The following FNDC3B variants were observed in gnomAD, a reference collection of about 807,000 sequenced individuals.
FNDC3B encodes the protein fibronectin type III domain-containing protein 3B.
A neutral mutation model predicts 151.5 loss-of-function variants in FNDC3B; 12 were observed. That is an observed-to-expected ratio of 0.08 (90% CI 0.05 to 0.13). FNDC3B has a LOEUF of 0.13. Among genes scored for constraint, FNDC3B ranks in the 10% least tolerant of loss-of-function variants. FNDC3B has a pLI of 1.00. For missense variants in FNDC3B, 1,214 were observed against 1,505.3 expected (o/e 0.81, Z 3.20); for synonymous variants, 528 against 549.0 (o/e 0.96, Z 0.54).
intron 3 of FNDC3B, among the ~76,000 whole-genome samples, chr3:172,167,811 A>G (rs773055421): frequency 3.9e-5 from 6 of 152,142 alleles, no homozygotes; most frequent in Non-Finnish European, 8.8e-5. Context: ...CATGTGAAGG[A>G]TCTAGGTTGC....
At chr3:172,200,461 A>G (rs1284119500) in intron 3 of FNDC3B, among the ~76,000 whole-genome samples, 1 of 152,168 alleles carries the variant, frequency 6.6e-6, no homozygotes, top group Non-Finnish European at 1.5e-5. Flanking sequence ...TTTGGCAAAA[A>G]CCATATGAGT....
Position 172,143,396 on chromosome 3 carries a change from T to C in FNDC3B, c.187+9850T>C, listed in dbSNP as rs185753244. 4.6e-5 allele frequency among the ~76,000 whole-genome samples: 7 copies of C among 152,280 alleles called. No individual in the cohort carries two copies. The East Asian group carries it at 1.4e-3, about 29-fold the overall frequency. On this transcript the variant is annotated intron_variant, in intron 3 of 25. Transcript: ENST00000415807. ...TTAATAACTTTATTTTGGGGGAGAATAGGATGGGAATACCTTAGAAAATGT... is the reference window on the plus strand; with the variant it reads ...TTAATAACTTTATTTTGGGGGAGAACAGGATGGGAATACCTTAGAAAATGT...
At position 172,159,309 on chromosome 3, in the gene FNDC3B, G is replaced by A. The variant is rs1722655970; in HGVS notation, c.187+25763G>A. 5.3e-5 allele frequency among the ~76,000 whole-genome samples: 8 copies of A among 152,250 alleles called. No homozygotes were observed. In the South Asian group the frequency reaches 1.7e-3, roughly 32 times the overall value. On this transcript the variant is annotated intron_variant, in intron 3 of 25. Transcript: ENST00000415807. ...AAGAAAATTATTTGGGTATATTGGT[G>A]TGTGTCTGTTTCCAGGTCCTCTGTT... is the stretch of plus-strand genomic sequence containing the variant.
At chr3:172,351,027 A>G (rs948028189) in intron 21 of FNDC3B, among the ~76,000 whole-genome samples, 1 of 152,212 alleles carries the variant, frequency 6.6e-6, no homozygotes, top group African/African-American at 2.4e-5. Flanking sequence ...TTGAACACAT[A>G]CTCTGTATCA....
chr3:172,052,178 G>C (rs1716691331), intron 1 of FNDC3B, among the ~76,000 whole-genome samples: 1 of 150,864 alleles, frequency 6.6e-6, no homozygotes, highest in Admixed American at 6.6e-5. Flanking sequence ...TCCGCCTCCT[G>C]GGCTCAAGTG....
chr3:172,049,622 G>A lies in FNDC3B; in HGVS notation c.-29+9851G>A, dbSNP rs368506593. 1.0e-3 allele frequency among the ~76,000 whole-genome samples: 154 copies of A among 152,208 alleles called. 1 individual carries two copies. Among genetic ancestry groups the A allele is most frequent in the African/African-American group, 3.5e-3 (147 of 41,516 alleles). On this transcript the variant is annotated intron_variant, in intron 1 of 25. Transcript: ENST00000415807. ...GGCTCACCCTGACCTCTGCCTCCCA[G>A]GTTCAAGCGATTCTTCTGCCTCAGT...
intron 11 of FNDC3B, among the ~76,000 whole-genome samples, chr3:172,322,427 A>G (rs1732131529): frequency 6.6e-6 from 1 of 152,158 alleles, no homozygotes; most frequent in South Asian, 2.1e-4. Flanking sequence ...TTTTGGTTAC[A>G]AGAGAGTCAC....
chr3:172,072,871 G>A (rs1446393843), intron 1 of FNDC3B, among the ~76,000 whole-genome samples: 2 of 152,132 alleles, frequency 1.3e-5, no homozygotes, highest in African/African-American at 4.8e-5. Context: ...CCACATAAAC[G>A]GTGACACTGA....
chr3:172,279,042 T>C (rs1396208571), intron 6 of FNDC3B, among the ~76,000 whole-genome samples: 2 of 152,144 alleles, frequency 1.3e-5, no homozygotes, highest in East Asian at 1.9e-4. Context: ...CTGACAGAAA[T>C]GAGCATAGAA....
chr3:172,204,453 T>C (rs1725322124), intron 3 of FNDC3B, among the ~76,000 whole-genome samples: 1 of 152,174 alleles, frequency 6.6e-6, no homozygotes, highest in Non-Finnish European at 1.5e-5. Flanking sequence ...AGTTTCCAAC[T>C]CATGGTCCAT....
At chr3:172,192,385 C>T (rs1724566149) in intron 3 of FNDC3B, among the ~76,000 whole-genome samples, 1 of 151,806 alleles carries the variant, frequency 6.6e-6, no homozygotes, top group Non-Finnish European at 1.5e-5. Flanking sequence ...CAGGGTTTCA[C>T]CGTGTTAGCC....
chr3:172,265,791 C>T (rs959491795), intron 6 of FNDC3B, among the ~76,000 whole-genome samples: 1 of 152,140 alleles, frequency 6.6e-6, no homozygotes, highest in African/African-American at 2.4e-5. Flanking sequence ...CCTAGATTTA[C>T]GGACACTGTA....
chr3:172,329,395 T>C (rs1732521407), intron 12 of FNDC3B: 1 of 254,448 alleles, frequency 3.9e-6, no homozygotes, highest in African/African-American at 2.2e-5. Context: ...CTTTTTCTTT[T>C]ATCACTTTAG....
At chr3:172,166,826 G>A (rs1039847966) in intron 3 of FNDC3B, among the ~76,000 whole-genome samples, 86 of 136,924 alleles carry the variant, frequency 6.3e-4, no homozygotes, top group African/African-American at 2.2e-3. Context: ...TCAGAATTTG[G>A]CGGGTGGGTG....
intron 5 of FNDC3B, among the ~76,000 whole-genome samples, chr3:172,248,465 C>T (rs939909497): frequency 6.6e-6 from 1 of 152,104 alleles, no homozygotes; most frequent in Non-Finnish European, 1.5e-5. Flanking sequence ...AGTCTAAAGG[C>T]TTTCTCTATC....
At chr3:172,158,119 A>C (rs1033678907) in intron 3 of FNDC3B, among the ~76,000 whole-genome samples, 2 of 152,208 alleles carry the variant, frequency 1.3e-5, no homozygotes, top group Non-Finnish European at 2.9e-5. Context: ...AGTCTCCAGA[A>C]CCATGAGCAA....
chr3:172,161,512 A>T (rs536479521), intron 3 of FNDC3B, among the ~76,000 whole-genome samples: 1 of 152,344 alleles, frequency 6.6e-6, no homozygotes, highest in Admixed American at 6.5e-5. Flanking sequence ...TTACCAGACC[A>T]AGAATTGGAA....
chr3:172,048,652 T>G (rs951156911), intron 1 of FNDC3B, among the ~76,000 whole-genome samples: 1 of 152,198 alleles, frequency 6.6e-6, no homozygotes, highest in South Asian at 2.1e-4. Context: ...AGCCAGTGTT[T>G]ATAGCAGCAT....
chr3:172,351,058 A>C (rs1052546458), intron 21 of FNDC3B, among the ~76,000 whole-genome samples: 3 of 152,226 alleles, frequency 2.0e-5, no homozygotes, highest in African/African-American at 7.2e-5. Flanking sequence ...CCAGAAATAC[A>C]ACAGTGAGCC....
Sources: allele counts gnomAD v4.1 joint callset (sites outside exome capture counted in the v4.1 genomes callset), GRCh38; gene constraint gnomAD v4.1.1; transcripts MANE v1.5; gene names NCBI Gene and HGNC (gene_info 2026-07-23, HGNC 2026-07-21).